CNST: variants seen among roughly 807,000 people sequenced by gnomAD.
CNST encodes consortin, connexin sorting protein.
Under a neutral mutation model 72.4 loss-of-function variants are expected in CNST, and 39 were observed. The ratio of observed to expected loss-of-function variants is 0.54; its 90% CI spans 0.42 to 0.70. The LOEUF (loss-of-function observed/expected upper bound fraction) is 0.70, where lower values mean the gene tolerates loss of function less well. CNST is among the 30% of genes least tolerant of loss of function. The pLI is 0.00. For synonymous variants in CNST, 332 were observed against 320.1 expected, an observed-to-expected ratio of 1.04 and a Z score of -0.40; for missense variants, 871 against 868.5, an observed-to-expected ratio of 1.00 and a Z score of -0.04.
At chr1:246,607,879 G>C (rs532232570) in intron 2 of CNST, 1 of 152,110 alleles carries the variant, frequency 6.6e-6, no homozygotes, top group Non-Finnish European at 1.5e-5. Flanking sequence ...CCAAGAGATC[G>C]CGACCATCCA....
intron 1 of CNST, among the ~76,000 whole-genome samples, chr1:246,579,382 C>G (rs574127209): frequency 6.6e-6 from 1 of 152,316 alleles, no homozygotes; most frequent in Admixed American, 6.5e-5. Flanking sequence ...CTCTTCCTCC[C>G]AAGGAGCAAT....
At chr1:246,605,376 G>GT (rs1484097268) in intron 2 of CNST, among the ~76,000 whole-genome samples, 2 of 152,108 alleles carry the variant, frequency 1.3e-5, no homozygotes, top group African/African-American at 4.8e-5. Flanking sequence ...ATGAGTTAAA[G>GT]AACAGCCTGG....
intron 2 of CNST, among the ~76,000 whole-genome samples, chr1:246,598,484 C>T (rs1006933850): frequency 1.3e-5 from 2 of 152,060 alleles, no homozygotes; most frequent in Non-Finnish European, 2.9e-5. Flanking sequence ...AATATATTTC[C>T]AGTTCCATAC....
intron 8 of CNST, among the ~76,000 whole-genome samples, chr1:246,646,208 A>AG (rs1252759629): frequency 7.0e-6 from 1 of 143,306 alleles, no homozygotes; most frequent in Non-Finnish European, 1.5e-5. Flanking sequence ...TGAACCCGGG[A>AG]GGCGGAGCTT....
At chr1:246,586,105 A>ATGTGTGTGTG (rs1305896995) in intron 1 of CNST, among the ~76,000 whole-genome samples, 7 of 33,902 alleles carry the variant, frequency 2.1e-4, no homozygotes, top group African/African-American at 7.8e-4. Flanking sequence ...ATATATATAT[A>ATGTGTGTGTG]TATATATGTG....
chr1:246,597,352 G>T lies in CNST; in HGVS notation c.379+5411G>T, dbSNP rs576749471. Among the ~76,000 whole-genome samples, 7 of 152,296 alleles carry T rather than the reference G, an allele frequency of 4.6e-5. No homozygotes were observed. The South Asian group carries it at 1.2e-3, about 27-fold the overall frequency. ...TCCAGAACATTTTATCCTCCAGGAA[G>T]AAATCACGTACCCATTAGCAGTCAC... On this transcript the variant is annotated intron_variant, in intron 2 of 10. Transcript: ENST00000366513.
chr1:246,580,176 C>T lies in CNST; in HGVS notation c.-51-11336C>T, dbSNP rs978229811. Reference sequence around the variant, plus strand: ...TTAAAAAATTAAGATGTAACATTACCAGTTTTCTCTTTTATTGATGGTTTC... The same window carrying T: ...TTAAAAAATTAAGATGTAACATTACTAGTTTTCTCTTTTATTGATGGTTTC... On this transcript the variant is annotated intron_variant, in intron 1 of 10. Transcript: ENST00000366513. 1.4e-4 allele frequency among the ~76,000 whole-genome samples: 22 copies of T among 151,908 alleles called. 1 individual carries two copies. The highest frequency in any genetic ancestry group is 9.8e-4 in the Admixed American group (15 of 15,248).
intron 1 of CNST, among the ~76,000 whole-genome samples, chr1:246,588,418 T>G (rs2103021588): frequency 6.6e-6 from 1 of 152,280 alleles, no homozygotes; most frequent in Non-Finnish European, 1.5e-5. Context: ...GTATTTGCAT[T>G]TGTTTAATTA....
chr1:246,592,466 TACAGAGTGAG>T (rs1371790463), intron 2 of CNST, among the ~76,000 whole-genome samples: 1 of 152,140 alleles, frequency 6.6e-6, no homozygotes, highest in Admixed American at 6.6e-5. Context: ...CTAGCCTGGC[TACAGAGTGAG>T]ACTTCGTCTC....
chr1:246,605,166 T>C (rs924872430), intron 2 of CNST, among the ~76,000 whole-genome samples: 1 of 152,230 alleles, frequency 6.6e-6, no homozygotes, highest in African/African-American at 2.4e-5. Context: ...TGGTAAAATT[T>C]AGCCATTTTG....
At chr1:246,575,022 G>A (rs1045038935) in intron 1 of CNST, among the ~76,000 whole-genome samples, 11 of 124,038 alleles carry the variant, frequency 8.9e-5, no homozygotes, top group Non-Finnish European at 1.8e-4. Context: ...TTGAGACAGA[G>A]TCTCACTCTG....
intron 2 of CNST, among the ~76,000 whole-genome samples, chr1:246,616,600 G>A (rs1392660937): frequency 6.6e-6 from 1 of 151,922 alleles, no homozygotes; most frequent in Non-Finnish European, 1.5e-5. Flanking sequence ...CTGTTGCCAG[G>A]CTGGAGTGCA....
At chr1:246,642,078 C>T (rs1665737795) in intron 8 of CNST, 41 bp downstream of exon 8, 4 of 1,075,664 alleles carry the variant, frequency 3.7e-6, no homozygotes, top group East Asian at 2.7e-5. Context: ...GTAAAAGATA[C>T]CTGCCTCTTC....
chr1:246,609,312 A>C (rs532626241), intron 2 of CNST, among the ~76,000 whole-genome samples: 3 of 152,342 alleles, frequency 2.0e-5, no homozygotes, highest in East Asian at 3.9e-4. Context: ...ACGGCAGCTC[A>C]CGCCTTTAAT....
intron 2 of CNST, among the ~76,000 whole-genome samples, chr1:246,595,635 T>A (rs183371182): frequency 2.6e-5 from 4 of 152,278 alleles, no homozygotes; most frequent in Non-Finnish European, 4.4e-5. Flanking sequence ...TTGAATAGCT[T>A]CTCAAATGTG....
intron 1 of CNST, among the ~76,000 whole-genome samples, chr1:246,578,412 C>T (rs917736414): frequency 7.9e-5 from 12 of 152,028 alleles, no homozygotes; most frequent in African/African-American, 2.9e-4. Context: ...GTGGCTCACG[C>T]CTGTAATCCC....
chr1:246,583,482 A>G (rs1223567824), intron 1 of CNST, among the ~76,000 whole-genome samples: 1 of 152,242 alleles, frequency 6.6e-6, no homozygotes, highest in African/African-American at 2.4e-5. Context: ...ATTACCTGCT[A>G]GAGTATCAGC....
chr1:246,605,687 TAGGTGTCTTCCGGCC>T (rs1284144522), intron 2 of CNST, among the ~76,000 whole-genome samples: 1 of 138,852 alleles, frequency 7.2e-6, no homozygotes. Context: ...CCGGCCGGGG[TAGGTGTCTTCCGGCC>T]GGGGTAGGTG....
intron 1 of CNST, among the ~76,000 whole-genome samples, chr1:246,567,659 T>C (rs2102995250): frequency 6.6e-6 from 1 of 152,324 alleles, no homozygotes; most frequent in South Asian, 2.1e-4. Flanking sequence ...CAACTAAATA[T>C]GACCTTTTGT....
Sources: gnomAD v4.1 joint callset for allele counts (sites outside exome capture counted in the v4.1 genomes callset) on GRCh38, gnomAD v4.1.1 for gene constraint, MANE v1.5 for transcripts, NCBI Gene and HGNC (gene_info 2026-07-23, HGNC 2026-07-21) for gene names.